Variants in SEMA3D observed in about 807,000 individuals in gnomAD.
The protein encoded by SEMA3D is semaphorin 3D.
Under a neutral mutation model 100.1 loss-of-function variants are expected in SEMA3D, and 84 were observed. The ratio of observed to expected loss-of-function variants is 0.84; its 90% CI spans 0.70 to 1.01. SEMA3D has a LOEUF of 1.01. Ranked by LOEUF, SEMA3D falls within the 50% of genes least tolerant of loss-of-function variation. The pLI is 0.00. For missense variants in SEMA3D, 875 were observed against 934.1 expected (o/e 0.94, Z 0.82); for synonymous variants, 312 against 320.7 (o/e 0.97, Z 0.29).
chr7:85,119,939 C>T (rs1477032643), intron 3 of SEMA3D, among the ~76,000 whole-genome samples: 6 of 151,110 alleles, frequency 4.0e-5, no homozygotes, highest in Non-Finnish European at 8.8e-5. Context: ...AAACCCTTTC[C>T]GAGTCGCACC....
At chr7:85,105,635 T>C (rs951873167) in intron 3 of SEMA3D, among the ~76,000 whole-genome samples, 3 of 152,074 alleles carry the variant, frequency 2.0e-5, no homozygotes, top group Non-Finnish European at 4.4e-5. Flanking sequence ...CTCTTAGATA[T>C]CATTAAGCTA....
chr7:85,080,179 CT>C (rs1254703143), intron 5 of SEMA3D, among the ~76,000 whole-genome samples: 1 of 152,050 alleles, frequency 6.6e-6, no homozygotes, highest in African/African-American at 2.4e-5. Context: ...AACTATTTTG[CT>C]TTGTATTTAC....
intron 9 of SEMA3D, 55 bp downstream of exon 9, chr7:85,055,662 A>G: frequency 6.8e-5 from 10 of 147,550 alleles, no homozygotes; most frequent in South Asian, 3.4e-4. Context: ...ATATATATAT[A>G]TATATATATA....
At chr7:85,034,457 A>C (rs1263065833) in intron 12 of SEMA3D, among the ~76,000 whole-genome samples, 1 of 151,748 alleles carries the variant, frequency 6.6e-6, no homozygotes, top group Non-Finnish European at 1.5e-5. Flanking sequence ...AAATACAAAA[A>C]TTAGCTGGGC....
chr7:85,239,313 C>G, the SEMA3D span, among the ~76,000 whole-genome samples: 3 of 152,240 alleles, frequency 2.0e-5, no homozygotes, highest in Non-Finnish European at 4.4e-5. Context: ...TTAGTGCCTT[C>G]TAAAAGCTAA....
chr7:85,175,801 A>C (rs1277082843), intron 1 of SEMA3D, among the ~76,000 whole-genome samples: 1 of 152,060 alleles, frequency 6.6e-6, no homozygotes, highest in East Asian at 1.9e-4. Context: ...TATGATGGGG[A>C]ACTATATAAA....
At chr7:85,194,318 A>G in the SEMA3D span, among the ~76,000 whole-genome samples, 1 of 152,156 alleles carries the variant, frequency 6.6e-6, no homozygotes, top group Non-Finnish European at 1.5e-5. Flanking sequence ...CTCACCATTA[A>G]GTATGAAGTT....
At chr7:85,018,190 A>C (rs1161253488) in intron 15 of SEMA3D, 62 bp downstream of exon 15, 1 of 966,174 alleles carries the variant, frequency 1.0e-6, no homozygotes, top group African/African-American at 1.6e-5. Context: ...TTTTCAAATA[A>C]AGTTTGATTC....
chr7:85,107,796 A>T (rs1313134098), intron 3 of SEMA3D, among the ~76,000 whole-genome samples: 1 of 152,072 alleles, frequency 6.6e-6, no homozygotes. Context: ...TTAAAGCCTT[A>T]TAGATTTTAT....
chr7:85,250,220 T>C, the SEMA3D span, among the ~76,000 whole-genome samples: 83 of 141,048 alleles, frequency 5.9e-4, no homozygotes, highest in East Asian at 4.2e-3. Context: ...GGGTCCTACG[T>C]CCACGGAGTC....
At chr7:85,031,803 G>C (rs943163180) in intron 12 of SEMA3D, among the ~76,000 whole-genome samples, 2 of 151,944 alleles carry the variant, frequency 1.3e-5, no homozygotes, top group African/African-American at 4.8e-5. Context: ...TCAGTAATGA[G>C]TTTGATCAAA....
the SEMA3D span, among the ~76,000 whole-genome samples, chr7:85,204,375 G>T: frequency 6.8e-6 from 1 of 147,058 alleles, no homozygotes; most frequent in Non-Finnish European, 1.5e-5. Context: ...CCAGACTGTT[G>T]CCACTTAAAA....
intron 3 of SEMA3D, among the ~76,000 whole-genome samples, chr7:85,105,312 A>C (rs1240803965): frequency 6.6e-6 from 1 of 152,040 alleles, no homozygotes; most frequent in Non-Finnish European, 1.5e-5. Context: ...GAAATACTAC[A>C]GCTTTTTGTC....
chr7:85,165,831 A>T (rs1358700706), intron 1 of SEMA3D, among the ~76,000 whole-genome samples: 5 of 152,106 alleles, frequency 3.3e-5, no homozygotes, highest in Admixed American at 6.6e-5. Flanking sequence ...TGGTAGAGAA[A>T]GCAATCACGC....
At chr7:85,236,815 T>A in the SEMA3D span, among the ~76,000 whole-genome samples, 1 of 152,254 alleles carries the variant, frequency 6.6e-6, no homozygotes, top group African/African-American at 2.4e-5. Context: ...AGATAATGTA[T>A]CAATTTTGAG....
At chr7:85,175,560 C>G (rs776079408) in intron 1 of SEMA3D, among the ~76,000 whole-genome samples, 1 of 152,120 alleles carries the variant, frequency 6.6e-6, no homozygotes, top group Non-Finnish European at 1.5e-5. Context: ...GTTATTCACC[C>G]GTCTGTACAT....
intron 1 of SEMA3D, among the ~76,000 whole-genome samples, chr7:85,172,655 G>C (rs1264865534): frequency 6.6e-6 from 1 of 152,020 alleles, no homozygotes; most frequent in Non-Finnish European, 1.5e-5. Context: ...CAACTTGATT[G>C]CACAAGTGCT....
chr7:85,217,917 G>T, the SEMA3D span, among the ~76,000 whole-genome samples: 4 of 151,934 alleles, frequency 2.6e-5, no homozygotes, highest in Non-Finnish European at 5.9e-5. Flanking sequence ...GTACTCTCTG[G>T]TGTCATCATT....
rs1195618844 is a variant in SEMA3D at position 85,077,580 on chromosome 7, G to A, written c.375+3937C>T. On this transcript the variant is annotated intron_variant, in intron 5 of 18. Transcript: ENST00000284136. ...GCAATCATATAAGATGTTTAGTGTT[G>A]AGAGTAATGAAAAAATTTCAAGCTA... is the stretch of plus-strand genomic sequence containing the variant. Among the ~76,000 whole-genome samples, 4 of 152,032 alleles carry A rather than the reference G, an allele frequency of 2.6e-5. No individual in the cohort carries two copies. In the East Asian group the frequency reaches 7.7e-4, roughly 29 times the overall value.
Sources: gnomAD v4.1 joint callset for allele counts (sites outside exome capture counted in the v4.1 genomes callset) on GRCh38, gnomAD v4.1.1 for gene constraint, MANE v1.5 for transcripts, NCBI Gene and HGNC (gene_info 2026-07-23, HGNC 2026-07-21) for gene names.